NR4A1: variants seen among roughly 807,000 people sequenced by gnomAD.
The protein encoded by NR4A1 is nuclear receptor subfamily 4immunitygroup A member 1.
In NR4A1, 24 loss-of-function variants were observed where a neutral mutation model predicts 47.5. That is an observed-to-expected ratio of 0.50 (90% CI 0.37 to 0.71). NR4A1 has a LOEUF of 0.71. NR4A1 is among the 30% of genes least tolerant of loss of function. NR4A1 has a pLI of 0.00. For missense variants in NR4A1, 669 were observed against 788.6 expected (o/e 0.85, Z 1.82); for synonymous variants, 353 against 345.7 (o/e 1.02, Z -0.24).
At chr12:52,034,140 G>A (rs563128530) in intron 1 of NR4A1, among the ~76,000 whole-genome samples, 61 of 152,258 alleles carry the variant, frequency 4.0e-4, no homozygotes, top group Non-Finnish European at 6.2e-4. Context: ...TAAGGTTTGG[G>A]GGCAGCCTCT....
intron 4 of NR4A1, 38 bp from the exon 5 acceptor site, chr12:52,057,019 C>T (rs913212004): frequency 1.3e-6 from 2 of 1,541,512 alleles, no homozygotes; most frequent in Non-Finnish European, 1.8e-6. Flanking sequence ...GTGTAGGAGC[C>T]TGCCTGGGGT....
At chr12:52,026,479 C>A (rs1331915197) in intron 1 of NR4A1, among the ~76,000 whole-genome samples, 1 of 152,216 alleles carries the variant, frequency 6.6e-6, no homozygotes, top group Non-Finnish European at 1.5e-5. Context: ...GCCAGGAACT[C>A]TTTAAGTGCT....
intron 2 of NR4A1, 163 bp downstream of exon 2, chr12:52,055,367 G>C (rs1245632885): frequency 1.3e-5 from 11 of 831,276 alleles, no homozygotes; most frequent in Non-Finnish European, 2.0e-5. Flanking sequence ...GAGACCCGTA[G>C]ATGCCAGGGC....
In NR4A1 at chr12:52,051,449, G is replaced by C; in HGVS notation, c.-122G>C. Reference sequence around the variant, plus strand: ...GGTCGGGCTCGGCCGGGGAGTCCCAGTGGCGGAGGCTACGAAACTTGGGGG... The same window carrying C: ...GGTCGGGCTCGGCCGGGGAGTCCCACTGGCGGAGGCTACGAAACTTGGGGG... On this transcript the variant is annotated 5_prime_UTR_variant, in exon 1 of 7. Transcript: ENST00000394825. 12 of 985,566 alleles carry C rather than the reference G, an allele frequency of 1.2e-5. No individual in the cohort carries two copies. Among genetic ancestry groups the C allele is most frequent in the Non-Finnish European group, 1.4e-5 (12 of 830,004 alleles). The allele number at this position is 985,566 out of a possible 1,614,324, so 61.1% of individuals were successfully genotyped here. A position where few individuals can be genotyped will look rare whatever the true frequency, so the allele number is the denominator to read the frequency against.
At chr12:52,039,160 G>A (rs1232079042) in intron 1 of NR4A1, among the ~76,000 whole-genome samples, 1 of 152,224 alleles carries the variant, frequency 6.6e-6, no homozygotes, top group Non-Finnish European at 1.5e-5. Context: ...ATAACATTGT[G>A]AGGCTGAAAT....
chr12:52,039,084 T>G (rs1303893405), intron 1 of NR4A1, among the ~76,000 whole-genome samples: 4 of 152,366 alleles, frequency 2.6e-5, no homozygotes, highest in Admixed American at 2.6e-4. Flanking sequence ...GGCAAGTTGC[T>G]TAACATTTCT....
intron 1 of NR4A1, among the ~76,000 whole-genome samples, chr12:52,025,094 C>G (rs1426911193): frequency 5.5e-5 from 8 of 145,916 alleles, no homozygotes; most frequent in Non-Finnish European, 6.0e-5. Flanking sequence ...CAGAGTCTCT[C>G]TGTCGCCCAG....
intron 2 of NR4A1, chr12:52,055,422 C>CAGAGCTGG: frequency 1.6e-6 from 1 of 638,548 alleles, no homozygotes; most frequent in East Asian, 2.7e-5. Context: ...TGGGATTGCA[C>CAGAGCTGG]AGAGCTGGAG....
intron 1 of NR4A1, among the ~76,000 whole-genome samples, chr12:52,027,344 C>T (rs1938019651): frequency 6.6e-6 from 1 of 152,232 alleles, no homozygotes; most frequent in Non-Finnish European, 1.5e-5. Flanking sequence ...ACCCAGCTCT[C>T]CCTGGGAGGC....
chr12:52,039,154 C>T (rs529712016), intron 1 of NR4A1, among the ~76,000 whole-genome samples: 87 of 152,334 alleles, frequency 5.7e-4, no homozygotes, highest in African/African-American at 1.5e-3. Context: ...TTCCTCATAA[C>T]ATTGTGAGGC....
Position 52,057,138 on chromosome 12 carries a change from C to G in NR4A1, c.1240C>G (p.Leu414Val). Reference sequence around the variant, plus strand: ...GTTCTACGACCTGCTCTCCGGTTCTCTGGAGGTCATCCGCAAGTGGGCGGA... The same window carrying G: ...GTTCTACGACCTGCTCTCCGGTTCTGTGGAGGTCATCCGCAAGTGGGCGGA... ...QQFYDLLSGS[L>V]EVIRKWAEKI... The change falls in exon 5 of 7, where the codon CTG (leucine) becomes GTG (valine). Residue 414 changes from leucine (L) to valine (V), a missense_variant. Leu to Val is a conservative substitution (Grantham distance 32). Coordinates refer to ENST00000394825, the MANE Select transcript of NR4A1 (RefSeq NM_173157.3). The G allele has an allele frequency of 6.2e-7, 1 of 1,614,080 alleles. No homozygotes were observed. The highest frequency in any genetic ancestry group is 1.7e-5 in the Admixed American group (1 of 60,012).
At chr12:52,037,789 C>A (rs1938293092) in intron 1 of NR4A1, 1 of 985,424 alleles carries the variant, frequency 1.0e-6, no homozygotes, top group African/African-American at 1.7e-5. Context: ...CGGGAGGGAC[C>A]GATGCTGCGT....
chr12:52,049,241 T>C (rs1358070358), upstream of NR4A1, among the ~76,000 whole-genome samples: 1 of 152,222 alleles, frequency 6.6e-6, no homozygotes, highest in Admixed American at 6.5e-5. Context: ...CCTCTGTATA[T>C]GTGGGTTTTT....
At chr12:52,029,949 C>G (rs1938084413) in intron 1 of NR4A1, among the ~76,000 whole-genome samples, 2 of 152,358 alleles carry the variant, frequency 1.3e-5, no homozygotes, top group South Asian at 4.1e-4. Context: ...CAGTGGCCAG[C>G]CCTCCTACAG....
In NR4A1 at chr12:52,059,154, C is replaced by G. The variant is rs897659739; in HGVS notation, c.*210C>G. The G allele has an allele frequency of 1.6e-6, 1 of 623,746 alleles. No homozygotes were observed. The highest frequency in any genetic ancestry group is 2.7e-6 in the Non-Finnish European group (1 of 369,882). The allele number at this position is 623,746 out of a possible 1,614,324, so 38.6% of individuals were successfully genotyped here. A position where few individuals can be genotyped will look rare whatever the true frequency, so the allele number is the denominator to read the frequency against. On this transcript the variant is annotated 3_prime_UTR_variant, in exon 7 of 7. Coordinates refer to ENST00000394825, the MANE Select transcript of NR4A1 (RefSeq NM_173157.3). ...GTGACCCCACGATTTGTCTTATCCCCCCCAGCCTGGCCCCGGCCTTTATGT... is the reference window on the plus strand; with the variant it reads ...GTGACCCCACGATTTGTCTTATCCCGCCCAGCCTGGCCCCGGCCTTTATGT...
chr12:52,026,417 A>T lies in NR4A1; in HGVS notation c.-84+3478A>T, dbSNP rs553789583. On this transcript the variant is annotated intron_variant, in intron 1 of 7. Transcript: ENST00000360284. ...TTAGGAGCCAAGGCAGAGGAAAGTG[A>T]TCTCCAAACATTGTCTAATTATAGC... is the stretch of plus-strand genomic sequence containing the variant. 3.9e-5 allele frequency among the ~76,000 whole-genome samples: 6 copies of T among 152,352 alleles called. No individual in the cohort carries two copies. In the South Asian group the frequency reaches 1.2e-3, roughly 32 times the overall value.
At chr12:52,045,431 C>A in intron 2 of NR4A1, 1 of 425,950 alleles carries the variant, frequency 2.3e-6, no homozygotes, top group Non-Finnish European at 4.8e-6. Flanking sequence ...TCCCTGTGCC[C>A]TGGAGGTACT....
chr12:52,058,597 T>G, intron 6 of NR4A1, 91 bp from the exon 7 acceptor site: 1 of 1,429,978 alleles, frequency 7.0e-7, no homozygotes, highest in East Asian at 2.5e-5. Flanking sequence ...TGAGGGGTGG[T>G]CAGGGGCAGC....
intron 1 of NR4A1, among the ~76,000 whole-genome samples, chr12:52,030,283 G>A (rs1938092780): frequency 6.6e-6 from 1 of 152,180 alleles, no homozygotes; most frequent in Non-Finnish European, 1.5e-5. Flanking sequence ...CTTCACCTCT[G>A]GGTAGCTCAA....
Sources: allele counts gnomAD v4.1 joint callset (sites outside exome capture counted in the v4.1 genomes callset), GRCh38; gene constraint gnomAD v4.1.1; transcripts MANE v1.5; gene names NCBI Gene and HGNC (gene_info 2026-07-23, HGNC 2026-07-21).